KCNG2: variants seen among roughly 807,000 people sequenced by gnomAD.
KCNG2 encodes voltage-gated potassium channel regulatory subunit KCNG2.
Under a neutral mutation model 12.3 loss-of-function variants are expected in KCNG2, and 7 were observed. The observed-to-expected ratio is 0.57, with a 90% CI of 0.32 to 1.07. The LOEUF (loss-of-function observed/expected upper bound fraction) is 1.07. Among genes scored for constraint, KCNG2 ranks in the 50% least tolerant of loss-of-function variants. KCNG2 has a pLI of 0.04. For missense variants in KCNG2, 703 were observed against 726.0 expected, an observed-to-expected ratio of 0.97 and a Z score of 0.36; for synonymous variants, 414 against 351.4, an observed-to-expected ratio of 1.18 and a Z score of -1.99.
chr18:79,824,794 G>T (rs2087599961), intron 1 of KCNG2, among the ~76,000 whole-genome samples: 1 of 152,020 alleles, frequency 6.6e-6, no homozygotes, highest in Non-Finnish European at 1.5e-5. Context: ...AACCTACTTT[G>T]CACCTTCTGG....
At chr18:79,889,593 C>A (rs919775677) in intron 3 of KCNG2, among the ~76,000 whole-genome samples, 3 of 152,238 alleles carry the variant, frequency 2.0e-5, no homozygotes, top group Admixed American at 1.3e-4. Context: ...GCATATTCTA[C>A]AACCTTGTTG....
At chr18:79,804,874 A>G (rs2087436875) in intron 1 of KCNG2, among the ~76,000 whole-genome samples, 1 of 152,256 alleles carries the variant, frequency 6.6e-6, no homozygotes, top group African/African-American at 2.4e-5. Context: ...ATCTTGCGTA[A>G]GATTGCAACT....
At chr18:79,858,618 T>C (rs1979105985) in intron 2 of KCNG2, among the ~76,000 whole-genome samples, 1 of 152,202 alleles carries the variant, frequency 6.6e-6, no homozygotes, top group African/African-American at 2.4e-5. Context: ...GAGAACTCCA[T>C]GTTTAAATTT....
At chr18:79,828,110 A>C (rs1030568269) in intron 1 of KCNG2, among the ~76,000 whole-genome samples, 4 of 152,088 alleles carry the variant, frequency 2.6e-5, no homozygotes, top group Non-Finnish European at 5.9e-5. Flanking sequence ...TCTTTTGTAG[A>C]GATGGTGTTT....
intron 1 of KCNG2, among the ~76,000 whole-genome samples, chr18:79,809,750 G>A (rs187506922): frequency 1.3e-4 from 20 of 152,340 alleles, no homozygotes; most frequent in African/African-American, 3.6e-4. Flanking sequence ...CACTCAAGAC[G>A]TACTTTTCGG....
At chr18:79,833,361 A>G (rs1002009209) in intron 1 of KCNG2, among the ~76,000 whole-genome samples, 4 of 152,150 alleles carry the variant, frequency 2.6e-5, no homozygotes, top group African/African-American at 9.7e-5. Flanking sequence ...GGCTGGTCTC[A>G]AACTCCTGGG....
intron 1 of KCNG2, among the ~76,000 whole-genome samples, chr18:79,811,227 A>C (rs1420468662): frequency 1.3e-5 from 2 of 152,258 alleles, no homozygotes; most frequent in East Asian, 3.8e-4. Context: ...GGACAAGCTG[A>C]TGCTAAAATT....
chr18:79,895,472 A>AT (rs1446232688), intron 3 of KCNG2, among the ~76,000 whole-genome samples: 3 of 150,596 alleles, frequency 2.0e-5, no homozygotes, highest in Non-Finnish European at 3.0e-5. Flanking sequence ...TCTGCCTTTG[A>AT]TTGGGTTGTT....
chr18:79,863,546 G>C (rs367792491), intron 2 of KCNG2, 82 bp from the exon 3 acceptor site: 11 of 1,069,918 alleles, frequency 1.0e-5, no homozygotes, highest in African/African-American at 8.4e-5. Context: ...TTCGGTGCCG[G>C]CCCGGCCCCT....
At chr18:79,809,926 T>G (rs1187018364) in intron 1 of KCNG2, among the ~76,000 whole-genome samples, 1 of 152,210 alleles carries the variant, frequency 6.6e-6, no homozygotes, top group Non-Finnish European at 1.5e-5. Context: ...TTTCCGGGGC[T>G]CATGGGGTTG....
intron 1 of KCNG2, among the ~76,000 whole-genome samples, chr18:79,799,716 G>T (rs1375479262): frequency 6.6e-6 from 1 of 152,254 alleles, no homozygotes; most frequent in Non-Finnish European, 1.5e-5. Flanking sequence ...GGAGGGAAGT[G>T]AGTTCTCAGC....
intron 1 of KCNG2, among the ~76,000 whole-genome samples, chr18:79,854,552 G>A (rs11081567): frequency 0.9 from 130,486 of 144,258 alleles, 60,654 homozygotes; most frequent in East Asian, 1. Flanking sequence ...TTTGAGACAG[G>A]GTCTCGCTCT....
chr18:79,837,648 C>T (rs1432523578), intron 1 of KCNG2, among the ~76,000 whole-genome samples: 1 of 152,216 alleles, frequency 6.6e-6, no homozygotes, highest in Non-Finnish European at 1.5e-5. Context: ...TAATAAGTTC[C>T]TCATCTCCAT....
At chr18:79,876,659 A>G (rs8095389) in intron 3 of KCNG2, among the ~76,000 whole-genome samples, 123,000 of 152,272 alleles carry the variant, frequency 0.81, 53,065 homozygotes, top group Non-Finnish European at 0.95. Flanking sequence ...GGGCAGGGCC[A>G]GCCCCCTCTC....
At chr18:79,832,934 C>T (rs901122636) in intron 1 of KCNG2, among the ~76,000 whole-genome samples, 3 of 152,222 alleles carry the variant, frequency 2.0e-5, no homozygotes, top group Non-Finnish European at 2.9e-5. Flanking sequence ...GCTGGGACGT[C>T]CTTGCTGTCT....
chr18:79,842,987 T>A (rs1342137546), intron 1 of KCNG2, among the ~76,000 whole-genome samples: 1 of 152,026 alleles, frequency 6.6e-6, no homozygotes, highest in Admixed American at 6.6e-5. Context: ...GAAATAAACA[T>A]CCAGATCCAT....
chr18:79,841,105 A>G (rs1472714013), intron 1 of KCNG2, among the ~76,000 whole-genome samples: 1 of 152,102 alleles, frequency 6.6e-6, no homozygotes, highest in Admixed American at 6.6e-5. Context: ...CCTTGTCTCT[A>G]TGAAAAGAAA....
At chr18:79,804,972 G>A (rs1427395526) in intron 1 of KCNG2, among the ~76,000 whole-genome samples, 2 of 152,166 alleles carry the variant, frequency 1.3e-5, no homozygotes, top group Non-Finnish European at 2.9e-5. Context: ...ACATACGGGT[G>A]AAGGCTCTCA....
chr18:79,807,847 G>A (rs34915874), intron 1 of KCNG2, among the ~76,000 whole-genome samples: 261 of 93,168 alleles, frequency 2.8e-3, no homozygotes, highest in African/African-American at 9.4e-3. Flanking sequence ...CCGGGGCCGC[G>A]CTGACCACAC....
Sources: gnomAD v4.1 joint callset for allele counts (sites outside exome capture counted in the v4.1 genomes callset) on GRCh38, gnomAD v4.1.1 for gene constraint, MANE v1.5 for transcripts, NCBI Gene and HGNC (gene_info 2026-07-23, HGNC 2026-07-21) for gene names.